Variants in TRAPPC9 observed in about 807,000 individuals in gnomAD.
The protein encoded by TRAPPC9 is IKK2 binding protein.
A neutral mutation model predicts 124.0 loss-of-function variants in TRAPPC9; 83 were observed. The ratio of observed to expected loss-of-function variants is 0.67; its 90% CI spans 0.56 to 0.80. The LOEUF (loss-of-function observed/expected upper bound fraction) is 0.80, where lower values mean the gene tolerates loss of function less well. Among genes scored for constraint, TRAPPC9 ranks in the 30% least tolerant of loss-of-function variants. The pLI, the probability that TRAPPC9 is intolerant of heterozygous loss-of-function variation, is 0.00. For missense variants in TRAPPC9, 1,302 were observed against 1,508.3 expected, an observed-to-expected ratio of 0.86 and a Z score of 2.27; for synonymous variants, 638 against 617.5, an observed-to-expected ratio of 1.03 and a Z score of -0.49.
At chr8:139,906,229 C>A (rs1337008624) in intron 20 of TRAPPC9, among the ~76,000 whole-genome samples, 1 of 152,248 alleles carries the variant, frequency 6.6e-6, no homozygotes, top group Non-Finnish European at 1.5e-5. Context: ...TGGGCCACCT[C>A]CCCAACAACA....
At chr8:140,034,835 G>A (rs1255410418) in intron 17 of TRAPPC9, among the ~76,000 whole-genome samples, 2 of 152,240 alleles carry the variant, frequency 1.3e-5, no homozygotes, top group African/African-American at 4.8e-5. Context: ...TGAGTCCGAA[G>A]GTCCTGCTCT....
At position 139,777,296 on chromosome 8, in the gene TRAPPC9, T is replaced by G. The variant is rs557340640; in HGVS notation, c.3056-45094A>C. On this transcript the variant is annotated intron_variant, in intron 21 of 22. Transcript: ENST00000438773. The stretch of plus-strand genomic sequence containing the variant: ...AGATGCTGGGTGCTTAGTAAATGTT[T>G]GCTGAATGAAGGATAGAGAGCTTCA... Among the ~76,000 whole-genome samples, 6 of 152,336 alleles carry G rather than the reference T, an allele frequency of 3.9e-5. No homozygotes were observed. The South Asian group carries it at 1.2e-3, about 32-fold the overall frequency.
intron 21 of TRAPPC9, among the ~76,000 whole-genome samples, chr8:139,848,819 G>A (rs894491302): frequency 6.6e-6 from 1 of 152,156 alleles, no homozygotes; most frequent in Non-Finnish European, 1.5e-5. Flanking sequence ...CGTTTGCTTC[G>A]CCAACTCTAG....
intron 6 of TRAPPC9, among the ~76,000 whole-genome samples, chr8:140,402,346 T>C (rs1179757343): frequency 6.6e-6 from 1 of 151,540 alleles, no homozygotes; most frequent in Non-Finnish European, 1.5e-5. Context: ...TACAGTGAGC[T>C]GTGATCATGC....
chr8:140,169,199 A>G (rs1335379712), intron 17 of TRAPPC9, among the ~76,000 whole-genome samples: 1 of 151,936 alleles, frequency 6.6e-6, no homozygotes, highest in Non-Finnish European at 1.5e-5. Flanking sequence ...ATTTGAAATA[A>G]AAAATAGTTA....
At chr8:139,782,035 T>C (rs2130531594) in intron 21 of TRAPPC9, among the ~76,000 whole-genome samples, 1 of 152,252 alleles carries the variant, frequency 6.6e-6, no homozygotes. Context: ...AGCAAGCACT[T>C]ACAAAAAATG....
intron 17 of TRAPPC9, among the ~76,000 whole-genome samples, chr8:140,049,726 G>A (rs1022014418): frequency 2.6e-5 from 4 of 152,320 alleles, no homozygotes; most frequent in African/African-American, 9.6e-5. Flanking sequence ...AAATGAAAGC[G>A]GATCTCTGAG....
chr8:139,844,385 T>C (rs931646701), intron 21 of TRAPPC9, among the ~76,000 whole-genome samples: 3 of 152,226 alleles, frequency 2.0e-5, no homozygotes, highest in Non-Finnish European at 2.9e-5. Context: ...CATGAAATAA[T>C]TGGGCTCTAA....
At chr8:140,456,968 GCC>G (rs908648421) in intron 1 of TRAPPC9, 1 of 281,796 alleles carries the variant, frequency 3.5e-6, no homozygotes, top group Non-Finnish European at 5.4e-6. Flanking sequence ...AAGACCACAG[GCC>G]AGTAGCCTGA....
At chr8:140,395,277 C>T (rs1423964255) in intron 7 of TRAPPC9, among the ~76,000 whole-genome samples, 1 of 152,132 alleles carries the variant, frequency 6.6e-6, no homozygotes, top group African/African-American at 2.4e-5. Context: ...TCTGGTCGCT[C>T]CCTTTGGTGT....
chr8:140,039,430 G>A (rs561997019), intron 17 of TRAPPC9, among the ~76,000 whole-genome samples: 68 of 152,346 alleles, frequency 4.5e-4, no homozygotes, highest in African/African-American at 1.4e-3. Context: ...AGTATACTCA[G>A]CGCCTCCCTG....
At chr8:140,202,577 T>A (rs1224989929) in intron 17 of TRAPPC9, among the ~76,000 whole-genome samples, 1 of 152,212 alleles carries the variant, frequency 6.6e-6, no homozygotes, top group Non-Finnish European at 1.5e-5. Context: ...TCATAGAACT[T>A]GAATGACATT....
intron 21 of TRAPPC9, among the ~76,000 whole-genome samples, chr8:139,766,457 C>T (rs1036909000): frequency 6.6e-6 from 1 of 152,222 alleles, no homozygotes; most frequent in Admixed American, 6.5e-5. Context: ...AGCCTCTCTC[C>T]CCAGGTTGCC....
chr8:140,221,127 T>C (rs2063329170), intron 17 of TRAPPC9, among the ~76,000 whole-genome samples: 1 of 152,142 alleles, frequency 6.6e-6, no homozygotes. Flanking sequence ...ATGTACAGGG[T>C]AAACATCCGA....
At chr8:139,762,733 C>T (rs941982229) in intron 21 of TRAPPC9, among the ~76,000 whole-genome samples, 1 of 152,178 alleles carries the variant, frequency 6.6e-6, no homozygotes, top group African/African-American at 2.4e-5. Context: ...TATACATGTG[C>T]CCAGGAAACA....
chr8:139,935,242 A>C (rs1269400784), intron 19 of TRAPPC9, among the ~76,000 whole-genome samples: 1 of 152,170 alleles, frequency 6.6e-6, no homozygotes, highest in Non-Finnish European at 1.5e-5. Flanking sequence ...AGTGGCTGCC[A>C]GGGAAGGAGA....
intron 15 of TRAPPC9, among the ~76,000 whole-genome samples, chr8:140,272,407 A>AATGGTG (rs139587008): frequency 1.5e-5 from 2 of 133,354 alleles, no homozygotes; most frequent in Admixed American, 7.3e-5. Flanking sequence ...CGATGGTGAT[A>AATGGTG]ATGGTGATGG....
At chr8:140,440,942 T>C (rs1339859946) in intron 2 of TRAPPC9, among the ~76,000 whole-genome samples, 1 of 151,414 alleles carries the variant, frequency 6.6e-6, no homozygotes, top group Non-Finnish European at 1.5e-5. Flanking sequence ...TTGGGTTAAG[T>C]GTCCTTGATG....
chr8:139,850,945 A>C (rs1827403473), intron 21 of TRAPPC9, among the ~76,000 whole-genome samples: 1 of 152,124 alleles, frequency 6.6e-6, no homozygotes, highest in Admixed American at 6.5e-5. Flanking sequence ...GCTCAAAAGA[A>C]CTCTGTCTAA....
Sources: gnomAD v4.1 joint callset for allele counts (sites outside exome capture counted in the v4.1 genomes callset) on GRCh38, gnomAD v4.1.1 for gene constraint, MANE v1.5 for transcripts, NCBI Gene and HGNC (gene_info 2026-07-23, HGNC 2026-07-21) for gene names.